Variants in MLIP observed in about 807,000 individuals in gnomAD.
MLIP encodes the protein muscular LMNA interacting protein, also known as muscular LMNA-interacting protein.
Under a neutral mutation model 84.8 loss-of-function variants are expected in MLIP, and 79 were observed. That is an observed-to-expected ratio of 0.93 (90% CI 0.78 to 1.12). MLIP has a LOEUF of 1.12. MLIP is among the 50% of genes most tolerant of loss of function. MLIP has a pLI of 0.00. For synonymous variants in MLIP, 504 were observed against 463.0 expected, an observed-to-expected ratio of 1.09 and a Z score of -1.14; for missense variants, 1,257 against 1,160.6, an observed-to-expected ratio of 1.08 and a Z score of -1.21.
At chr6:54,182,937 T>G (rs1281105187) in intron 9 of MLIP, among the ~76,000 whole-genome samples, 2 of 152,162 alleles carry the variant, frequency 1.3e-5, no homozygotes, top group Admixed American at 1.3e-4. Context: ...ATATCTGAGA[T>G]GGAATTATTA....
intron 13 of MLIP, among the ~76,000 whole-genome samples, chr6:54,262,160 A>G (rs1467903359): frequency 6.6e-6 from 1 of 151,916 alleles, no homozygotes; most frequent in Non-Finnish European, 1.5e-5. Context: ...TAAGCCCCCA[A>G]CCTGTGTTGG....
intron 9 of MLIP, among the ~76,000 whole-genome samples, chr6:54,171,480 T>C (rs1480753989): frequency 6.6e-6 from 1 of 151,624 alleles, no homozygotes; most frequent in Non-Finnish European, 1.5e-5. Flanking sequence ...AAAGGATCAT[T>C]TTACAATGAA....
chr6:54,231,527 T>C (rs1303809848), intron 12 of MLIP, among the ~76,000 whole-genome samples: 1 of 152,060 alleles, frequency 6.6e-6, no homozygotes, highest in African/African-American at 2.4e-5. Flanking sequence ...GTAAAAAATA[T>C]TTATAGTTGG....
At chr6:54,058,400 G>A (rs1765779675) in intron 1 of MLIP, among the ~76,000 whole-genome samples, 1 of 152,174 alleles carries the variant, frequency 6.6e-6, no homozygotes, top group Non-Finnish European at 1.5e-5. Flanking sequence ...CTGAAATGCA[G>A]GCAGCATTCC....
intron 1 of MLIP, among the ~76,000 whole-genome samples, chr6:54,054,975 C>A (rs1765574892): frequency 6.6e-6 from 1 of 152,024 alleles, no homozygotes; most frequent in African/African-American, 2.4e-5. Flanking sequence ...ACAAGCTCCG[C>A]CTCCTGGGTT....
At chr6:54,265,865 GC>G (rs758489955) in intron 13 of MLIP, 84 bp from the exon 14 acceptor site, 53 of 1,293,662 alleles carry the variant, frequency 4.1e-5, no homozygotes, top group Non-Finnish European at 5.4e-5. Context: ...GAGATGCTAT[GC>G]CCAAATATTA....
chr6:54,155,306 A>G (rs1005512107), intron 5 of MLIP, among the ~76,000 whole-genome samples: 7 of 152,120 alleles, frequency 4.6e-5, no homozygotes, highest in Non-Finnish European at 1.0e-4. Flanking sequence ...TATCCTACAC[A>G]TGGTTTTATA....
intron 1 of MLIP, among the ~76,000 whole-genome samples, chr6:54,045,028 T>C (rs561941349): frequency 6.6e-6 from 1 of 152,302 alleles, no homozygotes; most frequent in South Asian, 2.1e-4. Context: ...AAATTGTTGT[T>C]ATGATATCTC....
At chr6:54,219,132 G>A (rs1026943664) in intron 11 of MLIP, among the ~76,000 whole-genome samples, 2 of 151,842 alleles carry the variant, frequency 1.3e-5, no homozygotes, top group East Asian at 3.9e-4. Flanking sequence ...TGTGAACCTG[G>A]GAGGTGGAGC....
chr6:54,180,566 C>A (rs541684084), intron 9 of MLIP, among the ~76,000 whole-genome samples: 1 of 152,140 alleles, frequency 6.6e-6, no homozygotes, highest in Non-Finnish European at 1.5e-5. Context: ...TTTCAAATTA[C>A]CTGCCTTTGA....
intron 9 of MLIP, among the ~76,000 whole-genome samples, chr6:54,170,363 T>C (rs1270601120): frequency 6.6e-6 from 1 of 151,708 alleles, no homozygotes; most frequent in Non-Finnish European, 1.5e-5. Context: ...CATATCATCA[T>C]TGTAATTTTT....
chr6:54,068,623 T>C (rs1295270304), intron 1 of MLIP, among the ~76,000 whole-genome samples: 1 of 101,068 alleles, frequency 9.9e-6, no homozygotes, highest in African/African-American at 2.5e-5. Context: ...GTTAATACTT[T>C]AATATGGACT....
intron 4 of MLIP, 104 bp from the exon 5 acceptor site, chr6:54,148,952 T>G: frequency 1.1e-6 from 1 of 881,374 alleles, no homozygotes; most frequent in Non-Finnish European, 1.8e-6. Context: ...AACCCTTTTC[T>G]TCATTTGATA....
chr6:54,069,568 A>G lies in MLIP; in HGVS notation c.63+50477A>G, dbSNP rs1349784289. On this transcript the variant is annotated intron_variant, in intron 1 of 12. Transcript: ENST00000274897. ...AACCTATGCACATCCTCCCAGGTACATTAAATCATCTCTAGATTACTTATA... is the reference window on the plus strand; with the variant it reads ...AACCTATGCACATCCTCCCAGGTACGTTAAATCATCTCTAGATTACTTATA... 6.0e-5 allele frequency among the ~76,000 whole-genome samples: 6 copies of G among 99,944 alleles called. 1 individual carries two copies. The highest frequency in any genetic ancestry group is 1.5e-4 in the African/African-American group (6 of 39,092). 65.6% of individuals were successfully genotyped at this position (99,944 alleles called of 152,430 possible). A position where few individuals can be genotyped will look rare whatever the true frequency, so the allele number is the denominator to read the frequency against.
chr6:54,029,846 G>A (rs1340726120), intron 1 of MLIP, among the ~76,000 whole-genome samples: 3 of 152,052 alleles, frequency 2.0e-5, no homozygotes, highest in Admixed American at 1.3e-4. Flanking sequence ...TTAAATGCTG[G>A]GATGCGGTGG....
chr6:54,082,542 A>C (rs962117377), intron 1 of MLIP, among the ~76,000 whole-genome samples: 1 of 152,200 alleles, frequency 6.6e-6, no homozygotes, highest in African/African-American at 2.4e-5. Context: ...CAGTAAAACC[A>C]AATCAGACGA....
chr6:54,126,749 G>A (rs1217539790), intron 3 of MLIP, among the ~76,000 whole-genome samples: 1 of 152,056 alleles, frequency 6.6e-6, no homozygotes, highest in East Asian at 1.9e-4. Flanking sequence ...AAAATTACAC[G>A]ATTGGGCTGC....
At chr6:54,119,123 C>T (rs604566) in intron 1 of MLIP, among the ~76,000 whole-genome samples, 149,793 of 152,358 alleles carry the variant, frequency 0.98, 73,696 homozygotes, top group East Asian at 1. Flanking sequence ...ATTGTGGAAA[C>T]GGTATGGAGG....
intron 11 of MLIP, among the ~76,000 whole-genome samples, chr6:54,220,350 A>C (rs182819246): frequency 1.4e-4 from 21 of 152,300 alleles, no homozygotes; most frequent in Admixed American, 5.2e-4. Context: ...AAGGTACTCA[A>C]TATTATAATG....
Sources: gnomAD v4.1 joint callset for allele counts (sites outside exome capture counted in the v4.1 genomes callset) on GRCh38, gnomAD v4.1.1 for gene constraint, MANE v1.5 for transcripts, NCBI Gene and HGNC (gene_info 2026-07-23, HGNC 2026-07-21) for gene names.